The following NPAS2 variants were observed in gnomAD, a reference collection of about 807,000 sequenced individuals.
NPAS2 encodes neuronal PAS domain protein 2.
NPAS2 carries 23 observed loss-of-function variants against 107.5 expected under a neutral mutation model. The observed-to-expected ratio is 0.21, with a 90% CI of 0.15 to 0.30. The LOEUF (loss-of-function observed/expected upper bound fraction) is 0.30. Among genes scored for constraint, NPAS2 ranks in the 10% least tolerant of loss-of-function variants. The probability of loss-of-function intolerance (pLI) is 1.00; values close to 1 mark genes in which losing one functional copy is unlikely to be tolerated. For synonymous variants in NPAS2, 403 were observed against 417.5 expected (o/e 0.97, Z 0.42); for missense variants, 756 against 1,043.3 (o/e 0.72, Z 3.79).
At chr2:100,891,156 C>T (rs900207494) in intron 1 of NPAS2, among the ~76,000 whole-genome samples, 1 of 150,738 alleles carries the variant, frequency 6.6e-6, no homozygotes, top group Non-Finnish European at 1.5e-5. Context: ...GGCGTGAACC[C>T]GGGGGGTGGA....
chr2:100,882,089 T>C (rs1015612529), intron 1 of NPAS2, among the ~76,000 whole-genome samples: 3 of 152,242 alleles, frequency 2.0e-5, no homozygotes, highest in Non-Finnish European at 2.9e-5. Flanking sequence ...CCCTTTCTTT[T>C]TTCATTCTTT....
At chr2:100,936,114 C>T (rs1037679225) in intron 4 of NPAS2, among the ~76,000 whole-genome samples, 2 of 152,194 alleles carry the variant, frequency 1.3e-5, no homozygotes, top group African/African-American at 4.8e-5. Context: ...AGTCTAAATC[C>T]TACCAGCTGT....
chr2:100,898,831 T>A (rs189047405), intron 1 of NPAS2, among the ~76,000 whole-genome samples: 1 of 151,622 alleles, frequency 6.6e-6, no homozygotes, highest in Admixed American at 6.6e-5. Flanking sequence ...AAACACATTG[T>A]GCATATTACA....
intron 1 of NPAS2, among the ~76,000 whole-genome samples, chr2:100,877,611 G>A (rs1014619797): frequency 8.5e-5 from 13 of 152,136 alleles, no homozygotes; most frequent in African/African-American, 2.9e-4. Context: ...GGGTTTTCAC[G>A]GGGGACCTTG....
At chr2:100,889,206 G>A (rs1680901986) in intron 1 of NPAS2, among the ~76,000 whole-genome samples, 1 of 152,220 alleles carries the variant, frequency 6.6e-6, no homozygotes, top group Non-Finnish European at 1.5e-5. Flanking sequence ...AATTAAGGCA[G>A]TAGCTCTTCT....
At chr2:100,940,269 C>G (rs894176508) in intron 5 of NPAS2, among the ~76,000 whole-genome samples, 3 of 152,224 alleles carry the variant, frequency 2.0e-5, no homozygotes, top group Non-Finnish European at 4.4e-5. Context: ...GGGTAGCTGA[C>G]TGCAGAACCC....
rs1677017299 is a variant in NPAS2 at position 100,976,471 on chromosome 2, C to G, written c.1392+904C>G. On this transcript the variant is annotated intron_variant, in intron 14 of 20. Coordinates refer to ENST00000335681, the MANE Select transcript of NPAS2 (RefSeq NM_002518.4). The surrounding 1 kb of genome is among the most constrained non-coding windows in gnomAD (Gnocchi z 4.1). ...TGCCATACCTCTTGGTCAAAGCAGC[C>G]CTGAGCTCACCCATGAAGAGGGATA... 1.3e-5 allele frequency among the ~76,000 whole-genome samples: 2 copies of G among 152,038 alleles called. No individual in the cohort carries two copies. The highest frequency in any genetic ancestry group is 2.9e-5 in the Non-Finnish European group (2 of 68,008).
rs185371416 is a variant in NPAS2, at chr2:100,864,986, G to A, written c.-22-39747G>A. 9.7e-4 allele frequency among the ~76,000 whole-genome samples: 148 copies of A among 152,262 alleles called. 1 individual carries two copies. The highest frequency in any genetic ancestry group is 3.4e-3 in the African/African-American group (140 of 41,560). On this transcript the variant is annotated intron_variant, in intron 1 of 20. Transcript: ENST00000335681. Reference sequence around the variant, plus strand: ...GAAGAGTAGCATTGTTTTAATTTTTGCAAATCTCTTCAATGTCCAGCTTCA... The same window carrying A: ...GAAGAGTAGCATTGTTTTAATTTTTACAAATCTCTTCAATGTCCAGCTTCA...
At chr2:100,880,481 G>A (rs369089140) in intron 1 of NPAS2, among the ~76,000 whole-genome samples, 5 of 152,170 alleles carry the variant, frequency 3.3e-5, no homozygotes, top group Non-Finnish European at 5.9e-5. Flanking sequence ...AAATATGCCC[G>A]AATGTGGAGG....
intron 1 of NPAS2, among the ~76,000 whole-genome samples, chr2:100,868,692 G>C (rs1679389144): frequency 6.6e-6 from 1 of 152,060 alleles, no homozygotes; most frequent in Non-Finnish European, 1.5e-5. Flanking sequence ...CTGCAATCTG[G>C]ATAATTCCTT....
chr2:100,908,858 A>C (rs951746792), intron 2 of NPAS2, among the ~76,000 whole-genome samples: 11 of 152,190 alleles, frequency 7.2e-5, no homozygotes, highest in African/African-American at 2.7e-4. Flanking sequence ...CAAAAGTGTC[A>C]GGTCAGATTC....
intron 1 of NPAS2, among the ~76,000 whole-genome samples, chr2:100,882,410 C>G (rs1275408184): frequency 3.9e-5 from 6 of 152,182 alleles, no homozygotes; most frequent in Non-Finnish European, 7.3e-5. Flanking sequence ...GAGTTCGAGA[C>G]CATCCTGGCT....
At chr2:100,853,445 G>A (rs564022498) in intron 1 of NPAS2, among the ~76,000 whole-genome samples, 1 of 152,186 alleles carries the variant, frequency 6.6e-6, no homozygotes, top group Non-Finnish European at 1.5e-5. Flanking sequence ...TTTCCTGGGT[G>A]AACATAGTAC....
At chr2:100,927,849 C>T (rs1019432100) in intron 3 of NPAS2, among the ~76,000 whole-genome samples, 4 of 152,192 alleles carry the variant, frequency 2.6e-5, no homozygotes, top group Admixed American at 1.3e-4. Context: ...TACAAAAAGT[C>T]ACAGAATAGT....
intron 1 of NPAS2, among the ~76,000 whole-genome samples, chr2:100,858,482 T>G (rs1678722730): frequency 6.6e-6 from 1 of 152,168 alleles, no homozygotes; most frequent in South Asian, 2.1e-4. Flanking sequence ...CACTAAAGTT[T>G]TTGCTGTGAG....
intron 1 of NPAS2, among the ~76,000 whole-genome samples, chr2:100,903,164 G>A (rs1681897153): frequency 6.6e-6 from 1 of 152,214 alleles, no homozygotes; most frequent in Non-Finnish European, 1.5e-5. Context: ...CCCTGGTAAA[G>A]AACACAGCGT....
In NPAS2 at chr2:100,957,722, C is replaced by T. The variant is rs1035243943; in HGVS notation, c.599-6336C>T. ...CGGGCGGATCACGATGTCAGGAGAT[C>T]GAGACCATCCTGGCTAACACAGTGA... On this transcript the variant is annotated intron_variant, in intron 7 of 20. Transcript: ENST00000335681. Among the ~76,000 whole-genome samples the T allele has an allele frequency of 1.6e-3, 249 of 152,020 alleles. 1 individual carries two copies. Among genetic ancestry groups the T allele is most frequent in the Non-Finnish European group, 6.0e-4 (41 of 67,982 alleles).
At chr2:100,885,641 A>G (rs1680655051) in intron 1 of NPAS2, among the ~76,000 whole-genome samples, 1 of 152,210 alleles carries the variant, frequency 6.6e-6, no homozygotes, top group Non-Finnish European at 1.5e-5. Flanking sequence ...GCATTATAAG[A>G]AATGCTTTGA....
intron 12 of NPAS2, 41 bp from the exon 13 acceptor site, chr2:100,974,762 C>G: frequency 6.3e-7 from 1 of 1,586,054 alleles, no homozygotes; most frequent in Non-Finnish European, 8.6e-7. Flanking sequence ...ATTCTTTCCT[C>G]TTGATGCTGA....
Sources: allele counts gnomAD v4.1 joint callset (sites outside exome capture counted in the v4.1 genomes callset), GRCh38; gene constraint gnomAD v4.1.1; non-coding constraint Gnocchi (gnomAD v3.1); transcripts MANE v1.5; gene names NCBI Gene and HGNC (gene_info 2026-07-23, HGNC 2026-07-21).